The following CNIH3 variants were observed in gnomAD, a reference collection of about 807,000 sequenced individuals.
CNIH3 encodes protein cornichon homolog 3.
In CNIH3, 14 loss-of-function variants were observed where a neutral mutation model predicts 24.1. The ratio of observed to expected loss-of-function variants is 0.58; its 90% CI spans 0.38 to 0.91. The LOEUF (loss-of-function observed/expected upper bound fraction) is 0.91. Ranked by LOEUF, CNIH3 falls within the 40% of genes least tolerant of loss-of-function variation. The pLI, the probability that CNIH3 is intolerant of heterozygous loss-of-function variation, is 0.00. For synonymous variants in CNIH3, 68 were observed against 73.8 expected (o/e 0.92, Z 0.40); for missense variants, 178 against 196.8 (o/e 0.90, Z 0.57).
chr1:224,732,499 T>G (rs1689391458), intron 4 of CNIH3, among the ~76,000 whole-genome samples: 1 of 152,170 alleles, frequency 6.6e-6, no homozygotes, highest in East Asian at 1.9e-4. Flanking sequence ...GTTTGATACA[T>G]GGGGACACAG....
At chr1:224,449,239 C>T (rs970341796) in intron 1 of CNIH3, among the ~76,000 whole-genome samples, 1 of 152,112 alleles carries the variant, frequency 6.6e-6, no homozygotes, top group East Asian at 1.9e-4. Context: ...GCTGGGATTA[C>T]AGGTGTGAGC....
At position 224,445,262 on chromosome 1, in the gene CNIH3, G is replaced by A. The variant is rs1345846679; in HGVS notation, n.203+10400G>A. 2.6e-5 allele frequency among the ~76,000 whole-genome samples: 4 copies of A among 151,870 alleles called. No homozygotes were observed. In the East Asian group the frequency reaches 7.7e-4, roughly 29 times the overall value. On this transcript the variant is annotated intron_variant and non_coding_transcript_variant, in intron 1 of 5. Coordinates refer to the CNIH3 transcript ENST00000471578. ...AAGTGCCTTTTCAAATCTTTTGCTT[G>A]TTCCTCCTCTTTTAAGATTGTGTTG...
intron 1 of CNIH3, among the ~76,000 whole-genome samples, chr1:224,438,396 A>G (rs936101438): frequency 6.6e-6 from 1 of 152,162 alleles, no homozygotes; most frequent in African/African-American, 2.4e-5. Context: ...AAACTCTACC[A>G]TATTTTAAAA....
At chr1:224,689,143 G>A (rs1239551145) in intron 3 of CNIH3, among the ~76,000 whole-genome samples, 3 of 152,036 alleles carry the variant, frequency 2.0e-5, no homozygotes, top group Admixed American at 6.5e-5. Flanking sequence ...TTGGTGAAGC[G>A]TGCAAACATC....
chr1:224,584,561 T>A (rs2125018578), intron 5 of CNIH3, among the ~76,000 whole-genome samples: 1 of 152,332 alleles, frequency 6.6e-6, no homozygotes, highest in Middle Eastern at 3.4e-3. Context: ...CTTTTTGTCA[T>A]GGAAGAAAGA....
chr1:224,483,386 C>T (rs1481350792), intron 1 of CNIH3, among the ~76,000 whole-genome samples: 1 of 149,050 alleles, frequency 6.7e-6, no homozygotes, highest in Non-Finnish European at 1.5e-5. Flanking sequence ...TGATTGCTCA[C>T]CTGATTTTTT....
chr1:224,651,421 A>G (rs772351865), intron 1 of CNIH3, among the ~76,000 whole-genome samples: 1 of 152,178 alleles, frequency 6.6e-6, no homozygotes, highest in Non-Finnish European at 1.5e-5. Context: ...TTTCTTTACC[A>G]TCACTTTAAA....
intron 2 of CNIH3, among the ~76,000 whole-genome samples, chr1:224,527,498 G>C (rs1678891078): frequency 6.6e-6 from 1 of 152,164 alleles, no homozygotes; most frequent in Admixed American, 6.5e-5. Context: ...CCTAAAACAG[G>C]GGCTGGCGTG....
intron 3 of CNIH3, among the ~76,000 whole-genome samples, chr1:224,603,566 A>G (rs1251911816): frequency 1.3e-5 from 2 of 152,212 alleles, no homozygotes; most frequent in Non-Finnish European, 2.9e-5. Context: ...TTGGTCTCCC[A>G]CAAAGCTTTT....
chr1:224,446,732 A>C lies in CNIH3; in HGVS notation n.203+11870A>C, dbSNP rs78499014. On this transcript the variant is annotated intron_variant and non_coding_transcript_variant, in intron 1 of 5. Transcript: ENST00000471578. ...AATTTAATGATACAGCTGGTGTTTC[A>C]TTATTTTTAAAGAATCAGATTTAAA... 1.2e-4 allele frequency among the ~76,000 whole-genome samples: 19 copies of C among 152,282 alleles called. No individual in the cohort carries two copies. In the East Asian group the frequency reaches 3.7e-3, roughly 29 times the overall value.
At chr1:224,697,604 C>T (rs905424721) in intron 3 of CNIH3, among the ~76,000 whole-genome samples, 2 of 152,112 alleles carry the variant, frequency 1.3e-5, no homozygotes, top group Non-Finnish European at 2.9e-5. Flanking sequence ...CCACGAGCCA[C>T]GTGCTTTTCA....
intron 1 of CNIH3, among the ~76,000 whole-genome samples, chr1:224,509,259 G>T (rs1678042200): frequency 6.6e-6 from 1 of 152,178 alleles, no homozygotes; most frequent in Non-Finnish European, 1.5e-5. Context: ...GGAGGTGGAG[G>T]TTTGCAGTGA....
intron 1 of CNIH3, chr1:224,435,166 C>A (rs888606923): frequency 2.6e-5 from 26 of 986,022 alleles, no homozygotes; most frequent in Non-Finnish European, 3.0e-5. Context: ...AGGGACTGCA[C>A]CTTCTCCATC....
intron 1 of CNIH3, among the ~76,000 whole-genome samples, chr1:224,507,948 C>T (rs771980496): frequency 5.9e-5 from 9 of 152,176 alleles, no homozygotes; most frequent in Admixed American, 3.9e-4. Context: ...TTTCTGCATA[C>T]GCTAGACAAC....
chr1:224,551,500 T>C (rs554401441), intron 3 of CNIH3, among the ~76,000 whole-genome samples: 23 of 152,138 alleles, frequency 1.5e-4, no homozygotes, highest in African/African-American at 5.1e-4. Context: ...CCGAATATTA[T>C]AGAAATATCA....
chr1:224,629,302 C>T (rs763548197), intron 1 of CNIH3, among the ~76,000 whole-genome samples: 3 of 152,006 alleles, frequency 2.0e-5, no homozygotes, highest in African/African-American at 4.8e-5. Flanking sequence ...CCACCATGCC[C>T]GGCTGCAATG....
At chr1:224,727,384 C>A (rs968707505) in intron 3 of CNIH3, among the ~76,000 whole-genome samples, 11 of 152,186 alleles carry the variant, frequency 7.2e-5, no homozygotes, top group African/African-American at 2.4e-4. Flanking sequence ...GGGCCTCTTT[C>A]CTTACTTGTG....
intron 1 of CNIH3, among the ~76,000 whole-genome samples, chr1:224,472,280 C>T (rs983147302): frequency 1.3e-5 from 2 of 152,144 alleles, no homozygotes; most frequent in African/African-American, 4.8e-5. Flanking sequence ...GAAGTGATAT[C>T]ACATTTTCTA....
At chr1:224,682,404 C>T (rs1163823450) in intron 2 of CNIH3, among the ~76,000 whole-genome samples, 1 of 152,162 alleles carries the variant, frequency 6.6e-6, no homozygotes, top group Non-Finnish European at 1.5e-5. Flanking sequence ...CCCTGTGTTG[C>T]CTCTTTAAGA....
Sources: allele counts gnomAD v4.1 joint callset (sites outside exome capture counted in the v4.1 genomes callset), GRCh38; gene constraint gnomAD v4.1.1; transcripts MANE v1.5; gene names NCBI Gene and HGNC (gene_info 2026-07-23, HGNC 2026-07-21).